AFF3: variants seen among roughly 807,000 people sequenced by gnomAD.
AFF3 encodes ALF transcription elongation factor 3, also known as AF4/FMR2 family member 3.
Under a neutral mutation model 129.7 loss-of-function variants are expected in AFF3, and 32 were observed. That is an observed-to-expected ratio of 0.25 (90% CI 0.19 to 0.33). The LOEUF is 0.33. Among genes scored for constraint, AFF3 ranks in the 10% least tolerant of loss-of-function variants. The pLI is 1.00. For missense variants in AFF3, 1,373 were observed against 1,592.0 expected, an observed-to-expected ratio of 0.86 and a Z score of 2.34; for synonymous variants, 644 against 635.4, an observed-to-expected ratio of 1.01 and a Z score of -0.20.
Position 100,007,364 on chromosome 2 carries a change from G to A in AFF3, c.271C>T (p.His91Tyr). Residue 91 changes from histidine (H) to tyrosine (Y), a missense_variant, in exon 6 of 25, where the codon CAT becomes TAT. His to Tyr is a moderately conservative substitution (Grantham distance 83). Coordinates refer to ENST00000672756, the MANE Select transcript of AFF3 (RefSeq NM_001386135.1). ...CCAGGTTTGGGAACTCCAACGAGAT[G>A]ACTCTGATTGGATCTATCAGTTAAA... Reference protein sequence around the residue: ...DFLTDRSNQSHLVGVPKPGVP... With the variant: ...DFLTDRSNQSYLVGVPKPGVP... 1 of 1,613,836 alleles carries A rather than the reference G, an allele frequency of 6.2e-7. No homozygotes were observed. Among genetic ancestry groups the A allele is most frequent in the Non-Finnish European group, 8.5e-7 (1 of 1,179,712 alleles).
chr2:99,926,712 G>GT (rs1696270236), intron 7 of AFF3, among the ~76,000 whole-genome samples: 1 of 151,292 alleles, frequency 6.6e-6, no homozygotes, highest in East Asian at 1.9e-4. Flanking sequence ...CTGCCTGGGG[G>GT]TTACAGAGGA....
At chr2:100,044,485 T>C (rs1024516062) in intron 4 of AFF3, among the ~76,000 whole-genome samples, 9 of 152,188 alleles carry the variant, frequency 5.9e-5, no homozygotes, top group Non-Finnish European at 1.5e-5. Context: ...TGTCTTTTTT[T>C]CAAGCTGTTT....
intron 11 of AFF3, among the ~76,000 whole-genome samples, chr2:99,716,967 T>C (rs1310072415): frequency 6.6e-6 from 1 of 152,110 alleles, no homozygotes; most frequent in Non-Finnish European, 1.5e-5. Flanking sequence ...GTTGCCTTTT[T>C]CTTGAACTTC....
chr2:99,605,424 G>C (rs1283943596), intron 13 of AFF3, among the ~76,000 whole-genome samples: 2 of 152,144 alleles, frequency 1.3e-5, no homozygotes, highest in East Asian at 3.9e-4. Context: ...GAAGGGCGCT[G>C]GTAGCTCCAG....
At chr2:99,889,850 G>A (rs1318743123) in intron 7 of AFF3, among the ~76,000 whole-genome samples, 2 of 152,110 alleles carry the variant, frequency 1.3e-5, no homozygotes, top group East Asian at 1.9e-4. Flanking sequence ...AGTAGAGATG[G>A]GGTTTCTCCA....
intron 4 of AFF3, among the ~76,000 whole-genome samples, chr2:100,025,313 A>G (rs1001147758): frequency 6.6e-6 from 1 of 152,188 alleles, no homozygotes; most frequent in African/African-American, 2.4e-5. Context: ...GCAAAAAAAA[A>G]GTAAAATACT....
intron 4 of AFF3, among the ~76,000 whole-genome samples, chr2:100,014,124 T>C (rs549209117): frequency 5.6e-4 from 85 of 151,562 alleles, no homozygotes; most frequent in African/African-American, 2.1e-3. Flanking sequence ...TGCAGTTTGC[T>C]TGGAGCACTC....
At chr2:99,560,026 T>C (rs2104562944) in intron 21 of AFF3, among the ~76,000 whole-genome samples, 1 of 152,274 alleles carries the variant, frequency 6.6e-6, no homozygotes, top group Middle Eastern at 3.4e-3. Flanking sequence ...TCTGGGAGGC[T>C]GAGGCAGGCA....
chr2:99,948,237 G>A (rs1204195864), intron 7 of AFF3, among the ~76,000 whole-genome samples: 1 of 152,096 alleles, frequency 6.6e-6, no homozygotes, highest in Non-Finnish European at 1.5e-5. Flanking sequence ...TGTCATGACT[G>A]CCTGTGTCCA....
intron 13 of AFF3, among the ~76,000 whole-genome samples, chr2:99,606,764 G>T (rs111555046): frequency 0.061 from 9,285 of 151,514 alleles, 935 homozygotes; most frequent in African/African-American, 0.21. Flanking sequence ...AATACAAAAA[G>T]TTAGCCAGAC....
chr2:100,067,068 T>C (rs1437378), intron 4 of AFF3, among the ~76,000 whole-genome samples: 1,967 of 152,074 alleles, frequency 0.013, 50 homozygotes, highest in African/African-American at 0.045. Context: ...AATGCACTCA[T>C]GATGATGTGA....
At chr2:99,834,103 C>T (rs1163435153) in intron 8 of AFF3, among the ~76,000 whole-genome samples, 1 of 152,114 alleles carries the variant, frequency 6.6e-6, no homozygotes, top group Admixed American at 6.6e-5. Context: ...TCTGGCACTT[C>T]CGAATCATAA....
At chr2:99,777,423 A>G (rs886963771) in intron 8 of AFF3, among the ~76,000 whole-genome samples, 5 of 152,150 alleles carry the variant, frequency 3.3e-5, no homozygotes, top group Admixed American at 6.5e-5. Context: ...GCATGTTCAG[A>G]GTCCTGAGTC....
intron 12 of AFF3, among the ~76,000 whole-genome samples, chr2:99,661,969 G>A (rs1163205962): frequency 2.0e-5 from 3 of 152,190 alleles, no homozygotes; most frequent in East Asian, 1.9e-4. Flanking sequence ...GTGAAACCCC[G>A]TCTCTACTAA....
intron 7 of AFF3, among the ~76,000 whole-genome samples, chr2:99,847,134 C>T (rs543939384): frequency 9.9e-5 from 15 of 152,090 alleles, no homozygotes; most frequent in Admixed American, 3.9e-4. Context: ...ATTTTTAAAT[C>T]GATCTACCTA....
intron 7 of AFF3, among the ~76,000 whole-genome samples, chr2:99,980,045 AT>A (rs112397896): frequency 0.097 from 14,690 of 151,724 alleles, 969 homozygotes; most frequent in Non-Finnish European, 0.13. Context: ...GTTTCCAGCC[AT>A]TTTTTTTAAT....
chr2:100,058,915 A>T (rs1448511681), intron 4 of AFF3, among the ~76,000 whole-genome samples: 3 of 152,208 alleles, frequency 2.0e-5, no homozygotes, highest in Non-Finnish European at 2.9e-5. Context: ...TATACACTGA[A>T]TTCTTACAAC....
chr2:99,871,247 A>T (rs1207587667), intron 7 of AFF3, among the ~76,000 whole-genome samples: 1 of 152,196 alleles, frequency 6.6e-6, no homozygotes, highest in Non-Finnish European at 1.5e-5. Flanking sequence ...TTCAAAAAAT[A>T]TATAAAGTCA....
chr2:99,958,379 G>C (rs1676864084), intron 7 of AFF3, among the ~76,000 whole-genome samples: 1 of 151,734 alleles, frequency 6.6e-6, no homozygotes, highest in Non-Finnish European at 1.5e-5. Flanking sequence ...TGTAATTTCA[G>C]CTACTCGAGA....
Sources: gnomAD v4.1 joint callset for allele counts (sites outside exome capture counted in the v4.1 genomes callset) on GRCh38, gnomAD v4.1.1 for gene constraint, MANE v1.5 for transcripts, NCBI Gene and HGNC (gene_info 2026-07-23, HGNC 2026-07-21) for gene names.